AFG2A: variants seen among roughly 807,000 people sequenced by gnomAD.
The protein encoded by AFG2A is ATPase family gene 2 protein homolog A.
At chr4:123,315,029 T>A in the AFG2A span, 2 of 152,058 alleles carry the variant, frequency 1.3e-5, no homozygotes, top group African/African-American at 4.8e-5. Flanking sequence ...GTGCTGGGAT[T>A]ACAGGCGTGA....
the AFG2A span, among the ~76,000 whole-genome samples, chr4:123,078,300 A>C: frequency 8.4e-4 from 128 of 152,352 alleles, no homozygotes; most frequent in Middle Eastern, 3.4e-3. Flanking sequence ...AGACAGCACA[A>C]GATTAGCCTG....
the AFG2A span, among the ~76,000 whole-genome samples, chr4:123,142,613 T>C: frequency 6.6e-6 from 1 of 152,148 alleles, no homozygotes; most frequent in Non-Finnish European, 1.5e-5. Flanking sequence ...TGGTAATCTG[T>C]CATAGACTTC....
chr4:123,246,546 A>C, the AFG2A span, among the ~76,000 whole-genome samples: 1 of 152,022 alleles, frequency 6.6e-6, no homozygotes, highest in Non-Finnish European at 1.5e-5. Context: ...ATCTACCTTC[A>C]TGTCCCCATG....
the AFG2A span, among the ~76,000 whole-genome samples, chr4:123,098,759 T>G: frequency 1.3e-5 from 2 of 152,146 alleles, no homozygotes; most frequent in East Asian, 3.9e-4. Context: ...CTTTATCCGC[T>G]TATTCTTCGA....
chr4:123,001,269 A>G, the AFG2A span, among the ~76,000 whole-genome samples: 5 of 151,958 alleles, frequency 3.3e-5, no homozygotes, highest in African/African-American at 9.7e-5. Flanking sequence ...TGGATTCATT[A>G]ATGTTTTGAA....
chr4:123,282,270 C>G, the AFG2A span, among the ~76,000 whole-genome samples: 8 of 152,156 alleles, frequency 5.3e-5, no homozygotes, highest in Non-Finnish European at 1.2e-4. Flanking sequence ...TGAGCCTTTC[C>G]TCATCTCCAC....
the AFG2A span, among the ~76,000 whole-genome samples, chr4:123,232,538 G>A: frequency 6.6e-6 from 1 of 152,038 alleles, no homozygotes; most frequent in Admixed American, 6.6e-5. Flanking sequence ...TTTTGGTGGA[G>A]TGAGAGGGAC....
chr4:122,987,969 G>A, the AFG2A span, among the ~76,000 whole-genome samples: 1 of 151,898 alleles, frequency 6.6e-6, no homozygotes, highest in Non-Finnish European at 1.5e-5. Context: ...ACTGGCTCTA[G>A]TGGTGCTGAA....
chr4:123,253,001 A>G, the AFG2A span, among the ~76,000 whole-genome samples: 2 of 152,186 alleles, frequency 1.3e-5, no homozygotes, highest in African/African-American at 4.8e-5. Flanking sequence ...ATTCACTCAT[A>G]AGTTGGTAGA....
At chr4:123,063,113 C>G in the AFG2A span, among the ~76,000 whole-genome samples, 3 of 152,052 alleles carry the variant, frequency 2.0e-5, no homozygotes, top group African/African-American at 7.2e-5. Context: ...ATTGTTTTAT[C>G]TAATTAGTTT....
the AFG2A span, among the ~76,000 whole-genome samples, chr4:123,201,681 G>A: frequency 1.3e-5 from 2 of 152,196 alleles, no homozygotes; most frequent in African/African-American, 2.4e-5. Flanking sequence ...CACTCTGGGA[G>A]GCCAAGGCGG....
the AFG2A span, among the ~76,000 whole-genome samples, chr4:123,245,968 A>G: frequency 3.3e-5 from 5 of 152,054 alleles, no homozygotes; most frequent in African/African-American, 1.2e-4. Context: ...AAAGACTCCC[A>G]CAACTTTTTC....
At chr4:123,301,342 AATAAT>A in the AFG2A span, among the ~76,000 whole-genome samples, 1 of 152,318 alleles carries the variant, frequency 6.6e-6, no homozygotes, top group Non-Finnish European at 1.5e-5. Context: ...ATTAAAACAA[AATAAT>A]ATAATGTGAG....
At chr4:123,243,456 A>T in the AFG2A span, among the ~76,000 whole-genome samples, 4 of 152,206 alleles carry the variant, frequency 2.6e-5, no homozygotes, top group South Asian at 4.2e-4. Context: ...TGGGACATGG[A>T]TGAAGCTGGG....
At chr4:123,023,425 T>C in the AFG2A span, among the ~76,000 whole-genome samples, 162 of 152,270 alleles carry the variant, frequency 1.1e-3, no homozygotes, top group African/African-American at 3.8e-3. Flanking sequence ...TTGTTTATTA[T>C]GATTGGAGAT....
the AFG2A span, among the ~76,000 whole-genome samples, chr4:123,065,570 T>C: frequency 3.3e-5 from 5 of 152,266 alleles, no homozygotes; most frequent in African/African-American, 9.6e-5. Context: ...GTAATTGAGA[T>C]TGAAATGAAT....
the AFG2A span, among the ~76,000 whole-genome samples, chr4:123,164,245 T>C: frequency 6.6e-6 from 1 of 152,224 alleles, no homozygotes; most frequent in Non-Finnish European, 1.5e-5. Flanking sequence ...AGTTCTTCCA[T>C]ATTTTGTCAC....
chr4:123,085,441 A>G, the AFG2A span, among the ~76,000 whole-genome samples: 5 of 152,122 alleles, frequency 3.3e-5, no homozygotes, highest in Non-Finnish European at 7.4e-5. Context: ...CCCTTTTATC[A>G]TTATATAATA....
At chr4:123,023,531 T>C in the AFG2A span, among the ~76,000 whole-genome samples, 1 of 152,314 alleles carries the variant, frequency 6.6e-6, no homozygotes, top group East Asian at 1.9e-4. Context: ...CTTCTAACTC[T>C]TTCTTTGCCA....
Sources: allele counts gnomAD v4.1 joint callset (sites outside exome capture counted in the v4.1 genomes callset), GRCh38; gene constraint gnomAD v4.1.1; transcripts MANE v1.5; gene names NCBI Gene and HGNC (gene_info 2026-07-23, HGNC 2026-07-21).